Variants in SDHA observed in about 807,000 individuals in gnomAD.
SDHA encodes succinate dehydrogenase [ubiquinone] flavoprotein subunit, mitochondrial.
Under a neutral mutation model 78.4 loss-of-function variants are expected in SDHA, and 48 were observed. The observed-to-expected ratio is 0.61, with a 90% CI of 0.49 to 0.78. The LOEUF is 0.78. SDHA is among the 30% of genes least tolerant of loss of function. The pLI is 0.00. For missense variants in SDHA, 680 were observed against 892.7 expected, an observed-to-expected ratio of 0.76 and a Z score of 3.04; for synonymous variants, 326 against 353.9, an observed-to-expected ratio of 0.92 and a Z score of 0.88.
intron 11 of SDHA, 139 bp downstream of exon 11, chr5:240,615 G>A (rs555964600): frequency 1.4e-6 from 1 of 700,090 alleles, no homozygotes; most frequent in South Asian, 1.5e-5. Context: ...TGGAGTCTGG[G>A]CTTTTCATGT....
intron 1 of SDHA, among the ~76,000 whole-genome samples, chr5:220,763 C>T (rs1375134959): frequency 6.6e-6 from 1 of 151,642 alleles, no homozygotes; most frequent in Non-Finnish European, 1.5e-5. Context: ...TTTGGTGATG[C>T]TCTTGAGAAC....
intron 8 of SDHA, chr5:234,562 CT>C (rs56135192): frequency 0.24 from 36,961 of 155,816 alleles, 6,911 homozygotes; most frequent in African/African-American, 0.53. Flanking sequence ...AATATGCAGA[CT>C]TTTTTTCCTT....
rs1735708028 is a variant in SDHA at position 235,319 on chromosome 5, C to T, written c.1240C>T (p.Pro414Ser). Residue 414 changes from proline to serine, a missense_variant, in exon 9 of 15, where the codon CCC becomes TCC. Physicochemically the swap from Pro to Ser is moderately conservative, Grantham distance 74. Coordinates refer to ENST00000264932, the MANE Select transcript of SDHA (RefSeq NM_004168.4). ...CGTGCATTATAACATGGGCGGCATTCCCACCAACTACAAGGGGCAGGTGAT... is the reference window on the plus strand; with the variant it reads ...CGTGCATTATAACATGGGCGGCATTTCCACCAACTACAAGGGGCAGGTGAT... Reference protein sequence around the residue: ...PTVHYNMGGIPTNYKGQVLRH... With the variant: ...PTVHYNMGGISTNYKGQVLRH... The T allele has an allele frequency of 1.9e-6, 3 of 1,614,182 alleles. No homozygotes were observed. Among genetic ancestry groups the T allele is most frequent in the Non-Finnish European group, 2.5e-6 (3 of 1,180,024 alleles).
At chr5:222,657 T>A (rs1579378444) in intron 1 of SDHA, among the ~76,000 whole-genome samples, 1 of 152,134 alleles carries the variant, frequency 6.6e-6, no homozygotes, top group East Asian at 1.9e-4. Flanking sequence ...CTATTCTTGA[T>A]GATATTTCTG....
chr5:231,032 T>C, intron 7 of SDHA, 32 bp downstream of exon 7: 1 of 1,613,324 alleles, frequency 6.2e-7, no homozygotes, highest in Non-Finnish European at 8.5e-7. Context: ...GGCAGGTGTT[T>C]GGCTTGTGTG....
chr5:225,665 A>T, intron 4 of SDHA, 103 bp downstream of exon 4: 1 of 1,531,144 alleles, frequency 6.5e-7, no homozygotes. Context: ...AGCCAAAAGA[A>T]TGGTGATGAG....
rs879748481 is a variant in SDHA, at chr5:238,037, C to T, written c.1432+1438C>T. On this transcript the variant is annotated intron_variant, in intron 10 of 14. Transcript: ENST00000264932. ...AGAGCAATGTAGAAATTTTGAGCTG[C>T]TCTTTCTTTGAAAATGCAAAAAAGA... 1.4e-5 allele frequency among the ~76,000 whole-genome samples: 2 copies of T among 139,546 alleles called. 1 individual carries two copies. The highest frequency in any genetic ancestry group is 6.4e-5 in the African/African-American group (2 of 31,118). The allele number at this position is 139,546 out of a possible 152,430, so 91.5% of individuals were successfully genotyped here. A position where few individuals can be genotyped will look rare whatever the true frequency, so the allele number is the denominator to read the frequency against.
In SDHA at chr5:233,583, G is replaced by A. The variant is rs144252500; in HGVS notation, c.1002G>A (p.Ala334=). The change falls in exon 8 of 15, where the codon GCG becomes GCA. Residue 334 remains alanine (A), a synonymous_variant. Transcript: ENST00000264932. ...ERFMERYAPV[A]KDLASRDVVS... ...TTATGGAGCGATACGCCCCTGTCGC[G>A]AAGGACCTGGCGTCTAGAGATGTGG... The A allele has an allele frequency of 1.0e-3, 1,674 of 1,614,184 alleles. 2 individuals carry two copies. The highest frequency in any genetic ancestry group is 1.3e-3 in the Non-Finnish European group (1,538 of 1,180,028).
chr5:260,029 T>TGTGA (rs1159746727), downstream of SDHA, among the ~76,000 whole-genome samples: 1 of 52,326 alleles, frequency 1.9e-5, no homozygotes, highest in Non-Finnish European at 3.3e-5. Context: ...AGCATTACCG[T>TGTGA]GTGAGCTCCG....
At position 237,396 on chromosome 5, in the gene SDHA, G is replaced by A. The variant is rs1261346489; in HGVS notation, c.1432+797G>A. The stretch of plus-strand genomic sequence containing the variant: ...GTGAACAGGATTCCCACCCTTTACG[G>A]ACAGATTGGATTTCACTTGCTGGTT... On this transcript the variant is annotated intron_variant, in intron 10 of 14. Transcript: ENST00000264932. 1.8e-4 allele frequency among the ~76,000 whole-genome samples: 24 copies of A among 133,912 alleles called. 3 individuals carry two copies. Among genetic ancestry groups the A allele is most frequent in the Non-Finnish European group, 3.6e-4 (24 of 66,224 alleles). The allele number at this position is 133,912 out of a possible 152,430, so 87.9% of individuals were successfully genotyped here.
intron 11 of SDHA, 111 bp from the exon 12 acceptor site, chr5:250,881 A>T: frequency 1.1e-6 from 1 of 941,464 alleles, no homozygotes. Context: ...TTTCTGTTTA[A>T]TTTATGTAAC....
chr5:258,707 C>A (rs1194056346), downstream of SDHA, among the ~76,000 whole-genome samples: 3 of 76,364 alleles, frequency 3.9e-5, no homozygotes, highest in African/African-American at 9.0e-5. Flanking sequence ...CCGCCTCCCG[C>A]CAGAGCATTA....
intron 4 of SDHA, 55 bp downstream of exon 4, chr5:225,617 T>A: frequency 6.2e-7 from 1 of 1,612,134 alleles, no homozygotes. Flanking sequence ...TACAAAAGAA[T>A]CCTGGAAAAA....
At position 256,193 on chromosome 5, in the gene SDHA, A is replaced by G; in HGVS notation, c.1909-141A>G. On this transcript the variant is annotated intron_variant, in intron 14 of 14. Transcript: ENST00000264932. ...GGGTTCTCCCACTTTACATGATGGGAGCATTTTTGTAAAGCACTGAGAATC... is the reference window on the plus strand; with the variant it reads ...GGGTTCTCCCACTTTACATGATGGGGGCATTTTTGTAAAGCACTGAGAATC... 5 of 737,062 alleles carry G rather than the reference A, an allele frequency of 6.8e-6. No homozygotes were observed. The South Asian group carries it at 7.3e-5, about 11-fold the overall frequency. 45.7% of individuals were successfully genotyped at this position (737,062 alleles called of 1,614,324 possible).
At chr5:248,311 C>T (rs964674267) in intron 11 of SDHA, among the ~76,000 whole-genome samples, 35 of 152,136 alleles carry the variant, frequency 2.3e-4, no homozygotes, top group East Asian at 1.9e-4. Flanking sequence ...GAGCAACACC[C>T]GTCGAACACA....
intron 4 of SDHA, 75 bp downstream of exon 4, chr5:225,637 A>C (rs1734971959): frequency 2.5e-6 from 4 of 1,604,138 alleles, no homozygotes; most frequent in Non-Finnish European, 3.4e-6. Flanking sequence ...AAATGTAAGC[A>C]ATTGAGGCGG....
intron 5 of SDHA, among the ~76,000 whole-genome samples, chr5:227,450 T>C (rs1438442134): frequency 6.6e-6 from 1 of 152,248 alleles, no homozygotes; most frequent in Non-Finnish European, 1.5e-5. Flanking sequence ...TTCTGAACTT[T>C]GTTGTTTTCT....
chr5:218,387 T>C lies in SDHA; in HGVS notation c.32T>C (p.Leu11Pro). MSGVRGLSRLLSARRLALAKA... is the reference protein window; with the variant it reads MSGVRGLSRLPSARRLALAKA... ...GGGGTCCGGGGCCTGTCGCGGCTGCTGAGCGCTCGGCGCCTGGCGCTGGCC... is the reference window on the plus strand; with the variant it reads ...GGGGTCCGGGGCCTGTCGCGGCTGCCGAGCGCTCGGCGCCTGGCGCTGGCC... Residue 11 changes from leucine (L) to proline (P), a missense_variant, in exon 1 of 15, where the codon CTG becomes CCG. Leu to Pro is a moderately conservative substitution (Grantham distance 98, BLOSUM62 -3). Transcript: ENST00000264932. 6.9e-7 allele frequency: 1 copy of C among 1,453,028 alleles called. No homozygotes were observed. The highest frequency in any genetic ancestry group is 2.5e-5 in the Admixed American group (1 of 39,782). 90.0% of individuals were successfully genotyped at this position (1,453,028 alleles called of 1,614,324 possible). A position where few individuals can be genotyped will look rare whatever the true frequency, so the allele number is the denominator to read the frequency against.
chr5:240,725 G>A (rs1736085598), intron 11 of SDHA, among the ~76,000 whole-genome samples: 1 of 151,692 alleles, frequency 6.6e-6, no homozygotes, highest in African/African-American at 2.4e-5. Flanking sequence ...TCCACTCCAT[G>A]TGTCCATGTG....
Sources: gnomAD v4.1 joint callset for allele counts (sites outside exome capture counted in the v4.1 genomes callset) on GRCh38, gnomAD v4.1.1 for gene constraint, MANE v1.5 for transcripts, NCBI Gene and HGNC (gene_info 2026-07-23, HGNC 2026-07-21) for gene names.